Variants in WDR49 observed in about 807,000 individuals in gnomAD.
WDR49 encodes WD repeat domain 49.
WDR49 carries 107 observed loss-of-function variants against 119.5 expected under a neutral mutation model. The observed-to-expected ratio is 0.90, with a 90% CI of 0.77 to 1.05. The LOEUF is 1.05. WDR49 is among the 50% of genes least tolerant of loss of function. The pLI, the probability that WDR49 is intolerant of heterozygous loss-of-function variation, is 0.00. For missense variants in WDR49, 1,240 were observed against 1,220.5 expected (o/e 1.02, Z -0.24); for synonymous variants, 425 against 418.8 (o/e 1.01, Z -0.18).
chr3:167,550,022 C>A (rs1291439553), intron 10 of WDR49, among the ~76,000 whole-genome samples: 1 of 152,074 alleles, frequency 6.6e-6, no homozygotes, highest in Non-Finnish European at 1.5e-5. Context: ...GGTATTATTT[C>A]TGAGGGCTCT....
chr3:167,657,410 T>C (rs553083100), upstream of WDR49, among the ~76,000 whole-genome samples: 1 of 152,218 alleles, frequency 6.6e-6, no homozygotes, highest in South Asian at 2.1e-4. Context: ...AATCTAATGA[T>C]AAAACTGGTT....
chr3:167,549,893 G>A (rs1464048928), intron 10 of WDR49, among the ~76,000 whole-genome samples: 2 of 152,134 alleles, frequency 1.3e-5, no homozygotes, highest in African/African-American at 2.4e-5. Flanking sequence ...AAGGGATCCA[G>A]TTTCAGCTTT....
At chr3:167,573,124 C>T (rs1170617983) in intron 8 of WDR49, among the ~76,000 whole-genome samples, 1 of 152,138 alleles carries the variant, frequency 6.6e-6, no homozygotes, top group Non-Finnish European at 1.5e-5. Flanking sequence ...ACAGGGCTGG[C>T]AGCATGGGAG....
At chr3:167,595,558 A>G (rs1715375903) in intron 7 of WDR49, among the ~76,000 whole-genome samples, 1 of 152,206 alleles carries the variant, frequency 6.6e-6, no homozygotes, top group African/African-American at 2.4e-5. Context: ...CCTCAGAAAT[A>G]ACATTGCATA....
chr3:167,608,918 C>G (rs113272539), intron 5 of WDR49, among the ~76,000 whole-genome samples: 15 of 152,226 alleles, frequency 9.9e-5, no homozygotes, highest in African/African-American at 3.6e-4. Context: ...GCCACACAGT[C>G]ATAAAAAAAG....
intron 8 of WDR49, among the ~76,000 whole-genome samples, chr3:167,569,178 G>A (rs150409286): frequency 5.0e-4 from 76 of 152,108 alleles, no homozygotes; most frequent in African/African-American, 1.6e-3. Context: ...TCCTGACCTC[G>A]TGATCCGCCC....
chr3:167,654,189 T>C, upstream of WDR49, among the ~76,000 whole-genome samples: 1 of 152,206 alleles, frequency 6.6e-6, no homozygotes, highest in Non-Finnish European at 1.5e-5. Flanking sequence ...ATATAGGATA[T>C]ATATTATGAA....
chr3:167,524,315 A>AGATT (rs1418499676), intron 15 of WDR49, among the ~76,000 whole-genome samples: 1 of 152,132 alleles, frequency 6.6e-6, no homozygotes, highest in Non-Finnish European at 1.5e-5. Context: ...TCAGATAGAT[A>AGATT]GATTGATTGA....
rs996575282 is a variant in WDR49, at chr3:167,532,921, C to T, written c.2011G>A (p.Val671Ile). 6 of 1,609,688 alleles carry T rather than the reference C, an allele frequency of 3.7e-6. No homozygotes were observed. In the Admixed American group the frequency reaches 6.7e-5, roughly 18 times the overall value. ...AACCTCTGGTAATCAGGGTGAAGAA[C>T]ATGGTGAGCATTCTCTGTGCTATTG... ...WNNSTENAHH[V>I]LHPDYQRLLK... is the part of the protein sequence containing the mutation. The change falls in exon 12 of 19, where the codon GTT becomes ATT. Residue 671 changes from valine (V) to isoleucine (I), a missense_variant. Coordinates refer to ENST00000682715, the MANE Select transcript of WDR49 (RefSeq NM_001366157.1).
chr3:167,573,594 C>T (rs1019053351), intron 8 of WDR49, among the ~76,000 whole-genome samples: 4 of 152,082 alleles, frequency 2.6e-5, no homozygotes, highest in Non-Finnish European at 5.9e-5. Flanking sequence ...CTCCACTGTA[C>T]ACTTTTGAGA....
chr3:167,581,006 A>G (rs976221594), intron 7 of WDR49, among the ~76,000 whole-genome samples: 1 of 152,128 alleles, frequency 6.6e-6, no homozygotes. Context: ...GCATCATTAT[A>G]TCTGAGAACT....
At position 167,649,429 on chromosome 3, in the gene WDR49, G is replaced by A. The variant is rs186910896; in HGVS notation, c.165+3832C>T. Among the ~76,000 whole-genome samples the A allele has an allele frequency of 2.7e-4, 41 of 152,322 alleles. No individual in the cohort carries two copies. The East Asian group carries it at 7.3e-3, about 27-fold the overall frequency. On this transcript the variant is annotated intron_variant, in intron 2 of 18. Coordinates refer to ENST00000682715, the MANE Select transcript of WDR49 (RefSeq NM_001366157.1). Reference sequence around the variant, plus strand: ...TTGAAGCAAACAAGCACAGTTCATAGACCCTGCTGTAGAATGCTTTCTAAA... The same window carrying A: ...TTGAAGCAAACAAGCACAGTTCATAAACCCTGCTGTAGAATGCTTTCTAAA...
intron 7 of WDR49, among the ~76,000 whole-genome samples, chr3:167,583,293 T>C (rs909601229): frequency 1.3e-5 from 2 of 151,838 alleles, no homozygotes; most frequent in African/African-American, 4.8e-5. Context: ...CTAACAACTT[T>C]AAAAAAAATC....
In WDR49 at chr3:167,536,892, T is replaced by TA; in HGVS notation, c.1931dup (p.Leu644PhefsTer12). 6.6e-7 allele frequency: 1 copy of TA among 1,518,510 alleles called. No individual in the cohort carries two copies. Among genetic ancestry groups the TA allele is most frequent in the Admixed American group, 2.1e-5 (1 of 47,990 alleles). 94.1% of individuals were successfully genotyped at this position (1,518,510 alleles called of 1,614,324 possible). On this transcript the variant is annotated frameshift_variant, in exon 11 of 19. Coordinates refer to ENST00000682715, the MANE Select transcript of WDR49 (RefSeq NM_001366157.1). LOFTEE classifies it high-confidence loss of function. ...TACCCGTAACAAGAGTTTGTGGAGG[T>TA]AAAAACGCAGCACACAAGATGTCAT...
Position 167,639,989 on chromosome 3 carries a change from A to T in WDR49, c.166-12697T>A, listed in dbSNP as rs76749883. ...GAATCCTTCCATGTTTTCTTGCTGA[A>T]CTCTCACTCTGATTCTCTGCTTCTT... is the stretch of plus-strand genomic sequence containing the variant. On this transcript the variant is annotated intron_variant, in intron 2 of 18. Transcript: ENST00000682715. Among the ~76,000 whole-genome samples, 468 of 151,690 alleles carry T rather than the reference A, an allele frequency of 3.1e-3. 5 individuals carry two copies. The highest frequency in any genetic ancestry group is 0.011 in the African/African-American group (442 of 41,430).
intron 18 of WDR49, among the ~76,000 whole-genome samples, chr3:167,482,641 T>C (rs1185917227): frequency 2.0e-5 from 3 of 148,248 alleles, no homozygotes; most frequent in Non-Finnish European, 4.4e-5. Context: ...ATCGTGCCAT[T>C]GCACTCCAGC....
At chr3:167,599,425 G>C (rs369149090) in intron 7 of WDR49, among the ~76,000 whole-genome samples, 23 of 152,158 alleles carry the variant, frequency 1.5e-4, no homozygotes, top group East Asian at 7.7e-4. Context: ...AAGGATTAAG[G>C]CTCTTCAGTC....
intron 9 of WDR49, among the ~76,000 whole-genome samples, chr3:167,557,361 A>AG (rs1387804930): frequency 6.6e-6 from 1 of 152,244 alleles, no homozygotes; most frequent in African/African-American, 2.4e-5. Flanking sequence ...CATATTTTCA[A>AG]GCATATTCTT....
intron 7 of WDR49, among the ~76,000 whole-genome samples, chr3:167,585,195 C>A (rs1577256253): frequency 6.6e-6 from 1 of 151,968 alleles, no homozygotes; most frequent in South Asian, 2.1e-4. Flanking sequence ...GGTTCACACA[C>A]AAAAATGAAC....
Sources: allele counts gnomAD v4.1 joint callset (sites outside exome capture counted in the v4.1 genomes callset), GRCh38; gene constraint gnomAD v4.1.1; transcripts MANE v1.5; gene names NCBI Gene and HGNC (gene_info 2026-07-23, HGNC 2026-07-21).